The following STARD13 variants were observed in gnomAD, a reference collection of about 807,000 sequenced individuals.
STARD13 encodes the protein StAR related lipid transfer domain containing 13.
Under a neutral mutation model 106.4 loss-of-function variants are expected in STARD13, and 62 were observed. The observed-to-expected ratio is 0.58, with a 90% CI of 0.48 to 0.72. STARD13 has a LOEUF of 0.72. STARD13 is among the 30% of genes least tolerant of loss of function. The pLI, the probability that STARD13 is intolerant of heterozygous loss-of-function variation, is 0.00. For synonymous variants in STARD13, 565 were observed against 553.0 expected (o/e 1.02, Z -0.31); for missense variants, 1,387 against 1,424.0 (o/e 0.97, Z 0.42).
chr13:33,377,482 GTTATTC>G, the STARD13 span, among the ~76,000 whole-genome samples: 337 of 152,254 alleles, frequency 2.2e-3, 3 homozygotes, highest in African/African-American at 7.7e-3. Context: ...TACTACAACT[GTTATTC>G]TTATTAATTC....
chr13:33,129,224 G>C lies in STARD13; in HGVS notation c.1453C>G (p.His485Asp). 1 of 1,614,196 alleles carries C rather than the reference G, an allele frequency of 6.2e-7. No individual in the cohort carries two copies. Among genetic ancestry groups the C allele is most frequent in the African/African-American group, 1.3e-5 (1 of 75,050 alleles). ...LDLEKDDLFP[H>D]LDDILQHVNG... ...ACATGCTGCAGAATGTCATCCAAGT[G>C]AGGGAAAAGGTCATCTTTCTCCAAG... The change falls in exon 5 of 14, where the codon CAC becomes GAC. Residue 485 changes from histidine to aspartate, a missense_variant. Coordinates refer to ENST00000336934, the MANE Select transcript of STARD13 (RefSeq NM_178006.4).
At chr13:33,343,643 A>G (rs372385002), downstream of STARD13, among the ~76,000 whole-genome samples, 18 of 149,606 alleles carry the variant, frequency 1.2e-4, no homozygotes, top group African/African-American at 4.4e-4. Flanking sequence ...TCCAACAACC[A>G]ACCTGTTATT....
intron 1 of STARD13, among the ~76,000 whole-genome samples, chr13:33,241,447 G>A (rs1889489245): frequency 6.6e-6 from 1 of 152,112 alleles, no homozygotes; most frequent in African/African-American, 2.4e-5. Flanking sequence ...CTATGATAAA[G>A]CAGTTTTAGT....
rs939415558 is a variant in STARD13, at chr13:33,193,940, G to T, written c.170-26318C>A. Among the ~76,000 whole-genome samples the T allele has an allele frequency of 2.0e-5, 3 of 152,116 alleles. No homozygotes were observed. In the East Asian group the frequency reaches 5.8e-4, roughly 29 times the overall value. ...TGGTGCTGATAACTAAGTGTAATAG[G>T]ATTATGCATTTTTTTTCTTTTAGAG... On this transcript the variant is annotated intron_variant, in intron 1 of 13. Coordinates refer to ENST00000336934, the MANE Select transcript of STARD13 (RefSeq NM_178006.4).
chr13:33,308,296 T>C (rs1402614807), intron 1 of STARD13, among the ~76,000 whole-genome samples: 2 of 152,186 alleles, frequency 1.3e-5, no homozygotes, highest in Admixed American at 6.5e-5. Context: ...AGACAGTGCA[T>C]GGCGAAAATA....
At chr13:33,586,205 G>C in the STARD13 span, among the ~76,000 whole-genome samples, 1 of 152,106 alleles carries the variant, frequency 6.6e-6, no homozygotes, top group African/African-American at 2.4e-5. Context: ...AGAAGCTGAG[G>C]CCACAAGAGA....
At chr13:33,331,526 A>ATTTTTTTTTTTTTT (rs35827468) in intron 1 of STARD13, among the ~76,000 whole-genome samples, 39 of 130,794 alleles carry the variant, frequency 3.0e-4, no homozygotes, top group Non-Finnish European at 4.7e-4. Context: ...CTGATTTTGT[A>ATTTTTTTTTTTTTT]TTTTTTTTTT....
chr13:33,396,572 T>C, the STARD13 span, among the ~76,000 whole-genome samples: 1 of 152,188 alleles, frequency 6.6e-6, no homozygotes, highest in African/African-American at 2.4e-5. Context: ...AACTGTTATA[T>C]TATTCTACCC....
chr13:33,366,833 AAC>A, the STARD13 span, among the ~76,000 whole-genome samples: 11 of 152,380 alleles, frequency 7.2e-5, no homozygotes, highest in African/African-American at 2.6e-4. This position sits in a 1 kb window ranked among gnomAD's most constrained non-coding sequence, Gnocchi z 4.2. Context: ...ATAAACATCA[AAC>A]ACTGATTTCA....
At chr13:33,287,313 C>T (rs1003723975), upstream of STARD13, among the ~76,000 whole-genome samples, 5 of 152,172 alleles carry the variant, frequency 3.3e-5, no homozygotes, top group Admixed American at 6.5e-5. Context: ...ATAACTGTCC[C>T]GCTATGAGAA....
At chr13:33,286,280 G>C (rs1364916832), upstream of STARD13, among the ~76,000 whole-genome samples, 4 of 152,004 alleles carry the variant, frequency 2.6e-5, no homozygotes, top group South Asian at 4.2e-4. Context: ...AAACTTCAAG[G>C]GCTTTAACAC....
intron 8 of STARD13, among the ~76,000 whole-genome samples, chr13:33,114,841 A>G (rs149690420): frequency 7.9e-5 from 12 of 151,858 alleles, no homozygotes; most frequent in Non-Finnish European, 1.6e-4. Context: ...TATTATTATT[A>G]TTTACTAAAA....
the STARD13 span, among the ~76,000 whole-genome samples, chr13:33,499,223 T>G: frequency 6.6e-6 from 1 of 152,248 alleles, no homozygotes; most frequent in Non-Finnish European, 1.5e-5. Context: ...CTGATAATCT[T>G]ATGTTTATAA....
chr13:33,319,814 A>T (rs1893489325), intron 1 of STARD13, among the ~76,000 whole-genome samples: 1 of 152,162 alleles, frequency 6.6e-6, no homozygotes, highest in African/African-American at 2.4e-5. Context: ...AAAAACTTAA[A>T]ACTTGGATAA....
At chr13:33,671,238 G>T in the STARD13 span, among the ~76,000 whole-genome samples, 1 of 152,170 alleles carries the variant, frequency 6.6e-6, no homozygotes, top group Non-Finnish European at 1.5e-5. Flanking sequence ...TAATGCAAAT[G>T]TCCAACAGTT....
the STARD13 span, among the ~76,000 whole-genome samples, chr13:33,356,763 A>G: frequency 6.6e-6 from 1 of 152,222 alleles, no homozygotes; most frequent in Non-Finnish European, 1.5e-5. Context: ...AATTCTCATG[A>G]GATTCCAGTC....
chr13:33,412,827 A>G, the STARD13 span, among the ~76,000 whole-genome samples: 1 of 152,206 alleles, frequency 6.6e-6, no homozygotes, highest in Non-Finnish European at 1.5e-5. Context: ...CATTGATAGA[A>G]CAAAAAGGAA....
Position 33,127,464 on chromosome 13 carries a change from T to C in STARD13, c.1831A>G (p.Ser611Gly). Reference protein sequence around the residue: ...ASPHISSQTASQLSLLQRFSL... With the variant: ...ASPHISSQTAGQLSLLQRFSL... The stretch of plus-strand genomic sequence containing the variant: ...AAGCGCTGGAGCAGGCTCAGCTGGC[T>C]GGCCGTCTGGCTGCTGATGTGGGGC... Residue 611 changes from serine (S) to glycine (G), a missense_variant, in exon 6 of 14, where the codon AGC becomes GGC. By Grantham distance (56) the Ser-to-Gly change is moderately conservative (BLOSUM62 0). Transcript: ENST00000336934. 1 of 1,599,512 alleles carries C rather than the reference T, an allele frequency of 6.3e-7. No individual in the cohort carries two copies. Among genetic ancestry groups the C allele is most frequent in the South Asian group, 1.1e-5 (1 of 89,986 alleles).
chr13:33,467,931 A>G, the STARD13 span, among the ~76,000 whole-genome samples: 1 of 152,244 alleles, frequency 6.6e-6, no homozygotes, highest in Non-Finnish European at 1.5e-5. Context: ...GGAAATTCTT[A>G]TAAGTAATCA....
Sources: gnomAD v4.1 joint callset for allele counts (sites outside exome capture counted in the v4.1 genomes callset) on GRCh38, gnomAD v4.1.1 for gene constraint, Gnocchi (gnomAD v3.1) non-coding constraint, MANE v1.5 for transcripts, NCBI Gene and HGNC (gene_info 2026-07-23, HGNC 2026-07-21) for gene names.